The following AFG2A variants were observed in gnomAD, a reference collection of about 807,000 sequenced individuals.
AFG2A encodes the protein AAA ATPase AFG2A.
the AFG2A span, among the ~76,000 whole-genome samples, chr4:123,118,991 T>C: frequency 6.6e-6 from 1 of 152,144 alleles, no homozygotes; most frequent in African/African-American, 2.4e-5. Flanking sequence ...TTTTAGTGTT[T>C]GGCATCTATC....
At chr4:123,231,689 A>T in the AFG2A span, among the ~76,000 whole-genome samples, 1 of 151,990 alleles carries the variant, frequency 6.6e-6, no homozygotes, top group Admixed American at 6.6e-5. Flanking sequence ...TGCTTCACAA[A>T]GCTTCATCAC....
chr4:123,306,779 A>G, the AFG2A span, among the ~76,000 whole-genome samples: 1 of 152,334 alleles, frequency 6.6e-6, no homozygotes, highest in East Asian at 1.9e-4. Flanking sequence ...CTGGTCAGGT[A>G]TCCATTTTTT....
chr4:123,113,348 C>T, the AFG2A span, among the ~76,000 whole-genome samples: 3,657 of 151,632 alleles, frequency 0.024, 143 homozygotes, highest in African/African-American at 0.082. Context: ...ACAACAAAAA[C>T]AAATACAGCT....
At chr4:123,016,519 C>T in the AFG2A span, among the ~76,000 whole-genome samples, 15 of 144,308 alleles carry the variant, frequency 1.0e-4, no homozygotes, top group East Asian at 6.4e-4. Flanking sequence ...ACATCTTAGA[C>T]GATGGGCGGC....
chr4:123,311,422 TC>T, the AFG2A span, among the ~76,000 whole-genome samples: 227 of 151,964 alleles, frequency 1.5e-3, no homozygotes, highest in African/African-American at 5.2e-3. Flanking sequence ...GGTCAGGAGA[TC>T]GAGACCATCC....
chr4:123,010,821 GTTC>G, the AFG2A span, among the ~76,000 whole-genome samples: 5 of 152,114 alleles, frequency 3.3e-5, no homozygotes, highest in Non-Finnish European at 7.3e-5. Context: ...CTCAAGGCAA[GTTC>G]TTCTTCCAGA....
At chr4:123,232,095 C>T in the AFG2A span, among the ~76,000 whole-genome samples, 2 of 151,792 alleles carry the variant, frequency 1.3e-5, no homozygotes, top group African/African-American at 4.8e-5. Context: ...TAGACTTGCT[C>T]AATGCAGGGT....
chr4:123,170,918 T>G, the AFG2A span, among the ~76,000 whole-genome samples: 1 of 152,220 alleles, frequency 6.6e-6, no homozygotes, highest in Non-Finnish European at 1.5e-5. Context: ...AATGGGGTTA[T>G]TAACCCACCT....
the AFG2A span, among the ~76,000 whole-genome samples, chr4:122,978,798 A>G: frequency 1.3e-5 from 2 of 152,244 alleles, no homozygotes; most frequent in African/African-American, 2.4e-5. Flanking sequence ...CCTTGAGCAC[A>G]TGAACACCTA....
chr4:123,113,468 A>G, the AFG2A span, among the ~76,000 whole-genome samples: 4 of 152,146 alleles, frequency 2.6e-5, no homozygotes, highest in African/African-American at 9.7e-5. Context: ...GATAACTTTC[A>G]GTATGCTGCA....
the AFG2A span, among the ~76,000 whole-genome samples, chr4:123,023,954 C>G: frequency 1.3e-5 from 2 of 151,972 alleles, no homozygotes; most frequent in Non-Finnish European, 2.9e-5. Context: ...TGCCCCCCAC[C>G]GAGAGCGCAT....
At chr4:122,954,126 C>T in the AFG2A span, among the ~76,000 whole-genome samples, 1 of 152,182 alleles carries the variant, frequency 6.6e-6, no homozygotes, top group African/African-American at 2.4e-5. Context: ...CATTGCAGCC[C>T]ACAACCACCC....
chr4:123,199,511 G>A, the AFG2A span, among the ~76,000 whole-genome samples: 10 of 113,120 alleles, frequency 8.8e-5, no homozygotes, highest in South Asian at 6.2e-4. Flanking sequence ...TTGCTCTGTC[G>A]CCCAGGCTGG....
chr4:123,112,697 A>G, the AFG2A span, among the ~76,000 whole-genome samples: 1 of 152,124 alleles, frequency 6.6e-6, no homozygotes, highest in East Asian at 1.9e-4. Flanking sequence ...TCCCATTAGC[A>G]TTGACATTTT....
the AFG2A span, among the ~76,000 whole-genome samples, chr4:123,179,236 A>T: frequency 2.0e-5 from 3 of 152,184 alleles, no homozygotes; most frequent in African/African-American, 7.2e-5. Context: ...ATGGGAGCAG[A>T]CAGGTTGCCT....
At chr4:123,047,493 T>C in the AFG2A span, among the ~76,000 whole-genome samples, 1 of 152,210 alleles carries the variant, frequency 6.6e-6, no homozygotes, top group South Asian at 2.1e-4. Flanking sequence ...AATTTGCTAA[T>C]ATTTTCTCTC....
chr4:123,283,847 G>A, the AFG2A span, among the ~76,000 whole-genome samples: 2 of 152,060 alleles, frequency 1.3e-5, no homozygotes, highest in South Asian at 2.1e-4. Context: ...TGTGTTCTCC[G>A]CAAGACCAAA....
the AFG2A span, among the ~76,000 whole-genome samples, chr4:123,284,147 G>C: frequency 6.6e-5 from 10 of 152,122 alleles, no homozygotes; most frequent in Non-Finnish European, 1.5e-4. Flanking sequence ...ATGTCTGAGG[G>C]CTGTGCCCTT....
chr4:123,235,110 A>G, the AFG2A span, among the ~76,000 whole-genome samples: 1 of 152,180 alleles, frequency 6.6e-6, no homozygotes, highest in African/African-American at 2.4e-5. Flanking sequence ...TAATAGATGA[A>G]TAAGAGTTTG....
Sources: allele counts gnomAD v4.1 joint callset (sites outside exome capture counted in the v4.1 genomes callset), GRCh38; gene constraint gnomAD v4.1.1; transcripts MANE v1.5; gene names NCBI Gene and HGNC (gene_info 2026-07-23, HGNC 2026-07-21).